PHACTR4: variants seen among roughly 807,000 people sequenced by gnomAD.
PHACTR4 encodes protein phosphatase 1, regulatory subunit 124.
In PHACTR4, 51 loss-of-function variants were observed where a neutral mutation model predicts 72.7. The ratio of observed to expected loss-of-function variants is 0.70; its 90% CI spans 0.56 to 0.89. The LOEUF is 0.89. Ranked by LOEUF, PHACTR4 falls within the 40% of genes least tolerant of loss-of-function variation. PHACTR4 has a pLI of 0.00. For synonymous variants in PHACTR4, 255 were observed against 302.5 expected (o/e 0.84, Z 1.63); for missense variants, 731 against 861.8 (o/e 0.85, Z 1.90).
intron 8 of PHACTR4, 116 bp downstream of exon 8, chr1:28,476,407 C>CAGTTAGCCAGA: frequency 1.9e-6 from 2 of 1,057,580 alleles, no homozygotes; most frequent in Non-Finnish European, 2.6e-6. Context: ...ATTAAGTCAT[C>CAGTTAGCCAGA]TGGCTAACTG....
At chr1:28,420,007 C>T (rs1655406835) in intron 2 of PHACTR4, among the ~76,000 whole-genome samples, 1 of 152,124 alleles carries the variant, frequency 6.6e-6, no homozygotes, top group Non-Finnish European at 1.5e-5. Flanking sequence ...GTGGCTCACA[C>T]CTGTAATCCC....
intron 2 of PHACTR4, among the ~76,000 whole-genome samples, chr1:28,417,269 TG>T (rs1655163964): frequency 6.6e-6 from 1 of 152,216 alleles, no homozygotes; most frequent in Non-Finnish European, 1.5e-5. Flanking sequence ...AGAATGCCAG[TG>T]GATCCCTGAA....
chr1:28,447,655 AC>A (rs888092551), intron 2 of PHACTR4, among the ~76,000 whole-genome samples: 3 of 152,080 alleles, frequency 2.0e-5, no homozygotes, highest in African/African-American at 7.2e-5. Context: ...ATAAAAACAT[AC>A]CCTTAACCTG....
At chr1:28,482,042 C>T (rs1308786058) in intron 9 of PHACTR4, among the ~76,000 whole-genome samples, 3 of 151,918 alleles carry the variant, frequency 2.0e-5, no homozygotes, top group Non-Finnish European at 4.4e-5. Flanking sequence ...GGACTACAAG[C>T]TCATACCACC....
At chr1:28,461,450 T>TA (rs1178401591) in intron 4 of PHACTR4, among the ~76,000 whole-genome samples, 4 of 152,064 alleles carry the variant, frequency 2.6e-5, no homozygotes, top group Non-Finnish European at 4.4e-5. Context: ...CAAAAAAATT[T>TA]AAAAAATCAT....
At chr1:28,370,819 G>A (rs989884270) in intron 1 of PHACTR4, among the ~76,000 whole-genome samples, 3 of 152,098 alleles carry the variant, frequency 2.0e-5, no homozygotes, top group African/African-American at 7.2e-5. Flanking sequence ...TTCGGGCGTG[G>A]TGGCGCGCGC....
intron 2 of PHACTR4, among the ~76,000 whole-genome samples, chr1:28,443,632 C>T (rs34183469): frequency 5.3e-5 from 8 of 151,264 alleles, no homozygotes; most frequent in East Asian, 1.9e-4. Context: ...TATTTTTTGA[C>T]GAAACGAGGT....
At chr1:28,417,496 C>T (rs981931606) in intron 2 of PHACTR4, among the ~76,000 whole-genome samples, 1 of 152,092 alleles carries the variant, frequency 6.6e-6, no homozygotes, top group African/African-American at 2.4e-5. Flanking sequence ...GAGATGGCTG[C>T]TAAGTGATTA....
At chr1:28,430,952 C>G (rs777073720) in intron 2 of PHACTR4, among the ~76,000 whole-genome samples, 2 of 148,354 alleles carry the variant, frequency 1.3e-5, no homozygotes, top group Non-Finnish European at 3.0e-5. Context: ...CCGAGGCAGG[C>G]GGATCACGAG....
intron 2 of PHACTR4, among the ~76,000 whole-genome samples, chr1:28,451,918 G>GC (rs1316266385): frequency 3.3e-5 from 5 of 151,942 alleles, no homozygotes; most frequent in African/African-American, 1.2e-4. Context: ...AGGATTAAAA[G>GC]CATGAGCCAC....
At chr1:28,458,009 T>G in intron 2 of PHACTR4, 1 of 252,684 alleles carries the variant, frequency 4.0e-6, no homozygotes, top group Non-Finnish European at 6.3e-6. Flanking sequence ...CCTGCATGCA[T>G]GGTCATTATG....
intron 2 of PHACTR4, among the ~76,000 whole-genome samples, chr1:28,412,479 C>G (rs978515922): frequency 1.3e-5 from 2 of 152,044 alleles, no homozygotes; most frequent in Admixed American, 1.3e-4. Flanking sequence ...TTTATTAAAA[C>G]TAATATTTTT....
In PHACTR4 at chr1:28,390,543, A is replaced by G. The variant is rs534859870; in HGVS notation, c.-38-16867A>G. Reference sequence around the variant, plus strand: ...GGTGGTTCATGCCTGTAATCCCAGCACTTTGGGAGGTCGAGGCGGGTGGAT... The same window carrying G: ...GGTGGTTCATGCCTGTAATCCCAGCGCTTTGGGAGGTCGAGGCGGGTGGAT... On this transcript the variant is annotated intron_variant, in intron 1 of 13. Transcript: ENST00000373839. Among the ~76,000 whole-genome samples, 4 of 152,194 alleles carry G rather than the reference A, an allele frequency of 2.6e-5. No individual in the cohort carries two copies. The South Asian group carries it at 8.3e-4, about 32-fold the overall frequency.
chr1:28,380,275 C>G (rs1355424147), intron 1 of PHACTR4, among the ~76,000 whole-genome samples: 1 of 151,320 alleles, frequency 6.6e-6, no homozygotes, highest in Admixed American at 6.6e-5. Flanking sequence ...CCAGGATGGT[C>G]TCGATCTCCT....
intron 1 of PHACTR4, among the ~76,000 whole-genome samples, chr1:28,391,766 C>T (rs142194350): frequency 0.022 from 3,327 of 151,832 alleles, 139 homozygotes; most frequent in African/African-American, 0.076. Context: ...CCACCATGCC[C>T]AGCTAATTTT....
At chr1:28,443,303 T>G (rs35506828) in intron 2 of PHACTR4, among the ~76,000 whole-genome samples, 58,188 of 151,552 alleles carry the variant, frequency 0.38, 12,838 homozygotes, top group African/African-American at 0.6. Flanking sequence ...TCTTTCGTTC[T>G]TTCGTCTCAA....
intron 2 of PHACTR4, among the ~76,000 whole-genome samples, chr1:28,454,434 G>A (rs1280068621): frequency 2.0e-5 from 3 of 151,558 alleles, no homozygotes; most frequent in East Asian, 3.9e-4. Context: ...CCGCCACTGC[G>A]CCCGGCTAAT....
intron 2 of PHACTR4, among the ~76,000 whole-genome samples, chr1:28,411,335 G>C (rs1030796286): frequency 6.6e-6 from 1 of 152,080 alleles, no homozygotes; most frequent in Non-Finnish European, 1.5e-5. Flanking sequence ...GTGTGAGCCC[G>C]GCCTGAGATT....
intron 2 of PHACTR4, among the ~76,000 whole-genome samples, chr1:28,437,685 T>C (rs1026044296): frequency 1.3e-5 from 2 of 152,236 alleles, no homozygotes; most frequent in Non-Finnish European, 2.9e-5. Context: ...TGGGTCTTTT[T>C]TGATAAAGTA....
Sources: gnomAD v4.1 joint callset for allele counts (sites outside exome capture counted in the v4.1 genomes callset) on GRCh38, gnomAD v4.1.1 for gene constraint, MANE v1.5 for transcripts, NCBI Gene and HGNC (gene_info 2026-07-23, HGNC 2026-07-21) for gene names.